SUFU: variants seen among roughly 807,000 people sequenced by gnomAD.
SUFU encodes SUFU negative regulator of hedgehog signaling.
SUFU carries 7 observed loss-of-function variants against 58.9 expected under a neutral mutation model. That is an observed-to-expected ratio of 0.12 (90% confidence interval 0.07 to 0.22). The LOEUF (loss-of-function observed/expected upper bound fraction) is 0.22, where lower values mean the gene tolerates loss of function less well. SUFU is among the 10% of genes least tolerant of loss of function. The pLI is 1.00. For synonymous variants in SUFU, 232 were observed against 254.8 expected, an observed-to-expected ratio of 0.91 and a Z score of 0.85; for missense variants, 451 against 641.3, an observed-to-expected ratio of 0.70 and a Z score of 3.20.
intron 3 of SUFU, among the ~76,000 whole-genome samples, chr10:102,570,961 T>G (rs2063153579): frequency 6.6e-6 from 1 of 152,202 alleles, no homozygotes; most frequent in Non-Finnish European, 1.5e-5. Flanking sequence ...AGGCAATTTT[T>G]ACATATTTTG....
chr10:102,610,897 G>A (rs934902335), intron 8 of SUFU, among the ~76,000 whole-genome samples: 1 of 152,210 alleles, frequency 6.6e-6, no homozygotes, highest in Admixed American at 6.5e-5. Flanking sequence ...GAAAGCCCGA[G>A]GGAGATTTCG....
chr10:102,614,325 G>T (rs906227675), intron 8 of SUFU, among the ~76,000 whole-genome samples: 1 of 150,730 alleles, frequency 6.6e-6, no homozygotes, highest in African/African-American at 2.4e-5. Context: ...GGAGGCCGAG[G>T]TAGGCAGATC....
At chr10:102,588,281 T>C (rs908288450) in intron 3 of SUFU, among the ~76,000 whole-genome samples, 2 of 151,410 alleles carry the variant, frequency 1.3e-5, no homozygotes, top group African/African-American at 2.4e-5. Context: ...TAGTTCCAGC[T>C]ACTCGGGAGG....
chr10:102,532,683 G>A (rs1335781394), intron 2 of SUFU, among the ~76,000 whole-genome samples: 1 of 152,204 alleles, frequency 6.6e-6, no homozygotes, highest in Non-Finnish European at 1.5e-5. Flanking sequence ...GATGAGCAGA[G>A]GGCAAAGAAG....
intron 3 of SUFU, chr10:102,572,970 G>T: frequency 1.5e-6 from 2 of 1,340,872 alleles, no homozygotes; most frequent in Non-Finnish European, 2.1e-6. Context: ...TCTTCTTCAT[G>T]GCAGACTCAG....
At chr10:102,576,549 C>G (rs2063214001) in intron 3 of SUFU, among the ~76,000 whole-genome samples, 2 of 152,104 alleles carry the variant, frequency 1.3e-5, no homozygotes, top group Admixed American at 1.3e-4. Flanking sequence ...ATGCAGTGAC[C>G]ATCCTTATTC....
intron 3 of SUFU, among the ~76,000 whole-genome samples, chr10:102,558,149 G>A (rs978661711): frequency 6.6e-6 from 1 of 152,108 alleles, no homozygotes; most frequent in Non-Finnish European, 1.5e-5. Context: ...TGATCCACCC[G>A]CCATGGCCTC....
intron 2 of SUFU, among the ~76,000 whole-genome samples, chr10:102,543,868 A>G (rs1454982594): frequency 6.6e-6 from 1 of 152,232 alleles, no homozygotes; most frequent in Non-Finnish European, 1.5e-5. Flanking sequence ...CCCATTTTAT[A>G]GATGAGGAAA....
At position 102,617,378 on chromosome 10, in the gene SUFU, G is replaced by A. The variant is rs779490664; in HGVS notation, c.1246G>A (p.Ala416Thr). ...GTTTGTCTCCACGGGAGTGGAAGGC[G>A]CCTTTGCCACTGAGGAGCATCCTTA... ...ITFVSTGVEG[A>T]FATEEHPYAA... The change falls in exon 10 of 12, where the codon GCC (alanine) becomes ACC (threonine). Residue 416 changes from alanine to threonine, a missense_variant. Transcript: ENST00000369902. This position sits in a 1 kb window ranked among gnomAD's most constrained non-coding sequence, Gnocchi z 4.4. 8 of 1,614,122 alleles carry A rather than the reference G, an allele frequency of 5.0e-6. No homozygotes were observed. The highest frequency in any genetic ancestry group is 3.3e-5 in the South Asian group (3 of 91,094).
At chr10:102,582,614 C>T (rs922722651) in intron 3 of SUFU, among the ~76,000 whole-genome samples, 2 of 152,062 alleles carry the variant, frequency 1.3e-5, no homozygotes, top group East Asian at 1.9e-4. Flanking sequence ...GGGAATGAGA[C>T]GTGGAGGAAT....
chr10:102,617,492 T>G lies in SUFU; in HGVS notation c.1296+64T>G, dbSNP rs1370359050. ...AGACTTCCTTGCCCACCCCTCCTCT[T>G]CTCCCTTGGCAGCTCTTGATGGCAC... On this transcript the variant is annotated intron_variant, in intron 10 of 11. Coordinates refer to ENST00000369902, the MANE Select transcript of SUFU (RefSeq NM_016169.4). This position sits in a 1 kb window ranked among gnomAD's most constrained non-coding sequence, Gnocchi z 4.4. The G allele has an allele frequency of 4.3e-6, 7 of 1,610,984 alleles. No homozygotes were observed. Among genetic ancestry groups the G allele is most frequent in the Non-Finnish European group, 5.9e-6 (7 of 1,177,508 alleles).
At chr10:102,571,291 G>T (rs548609382) in intron 3 of SUFU, among the ~76,000 whole-genome samples, 2 of 152,218 alleles carry the variant, frequency 1.3e-5, no homozygotes, top group African/African-American at 4.8e-5. Context: ...GAGCTAAAGA[G>T]AAGTTAGTGT....
chr10:102,623,710 C>T (rs1438942508), intron 10 of SUFU, among the ~76,000 whole-genome samples: 2 of 152,114 alleles, frequency 1.3e-5, no homozygotes, highest in African/African-American at 4.8e-5. Context: ...GAGGCCAAGG[C>T]GGATGGATCA....
At chr10:102,514,430 A>G (rs1244199083) in intron 2 of SUFU, among the ~76,000 whole-genome samples, 1 of 152,144 alleles carries the variant, frequency 6.6e-6, no homozygotes, top group African/African-American at 2.4e-5. Context: ...CCTTATTCAC[A>G]TTCACTAAAG....
intron 1 of SUFU, among the ~76,000 whole-genome samples, chr10:102,508,164 G>A (rs1019973970): frequency 3.9e-5 from 6 of 151,910 alleles, no homozygotes; most frequent in Non-Finnish European, 8.8e-5. Flanking sequence ...AGTAGAGATG[G>A]GGTTTCACCA....
chr10:102,535,216 G>C (rs891079810), intron 2 of SUFU, among the ~76,000 whole-genome samples: 7 of 152,328 alleles, frequency 4.6e-5, no homozygotes, highest in African/African-American at 1.7e-4. Flanking sequence ...GCCGGGCGCG[G>C]TGGCTCACGC....
intron 3 of SUFU, chr10:102,590,770 TATTC>T (rs1468435094): frequency 6.6e-6 from 1 of 152,214 alleles, no homozygotes; most frequent in East Asian, 1.9e-4. Context: ...GTTAATTACT[TATTC>T]ATTCCTTTTA....
chr10:102,527,485 G>A (rs1371912099), intron 2 of SUFU, among the ~76,000 whole-genome samples: 1 of 136,054 alleles, frequency 7.4e-6, no homozygotes, highest in Non-Finnish European at 1.6e-5. Context: ...TGGCTCAAAG[G>A]AAATACCATT....
rs189692437 is a variant in SUFU, at chr10:102,574,048, T to C, written c.455-18534T>C. On this transcript the variant is annotated intron_variant, in intron 3 of 11. Transcript: ENST00000369902. ...GATTTGGGATGTTACTTTACATCTT[T>C]AAAATATCTTTACTTTTGCCATATT... 2.0e-5 allele frequency among the ~76,000 whole-genome samples: 3 copies of C among 152,342 alleles called. 1 individual carries two copies. The highest frequency in any genetic ancestry group is 2.0e-4 in the Admixed American group (3 of 15,286).
Sources: gnomAD v4.1 joint callset for allele counts (sites outside exome capture counted in the v4.1 genomes callset) on GRCh38, gnomAD v4.1.1 for gene constraint, Gnocchi (gnomAD v3.1) non-coding constraint, MANE v1.5 for transcripts, NCBI Gene and HGNC (gene_info 2026-07-23, HGNC 2026-07-21) for gene names.